The following SH3BP4 variants were observed in gnomAD, a reference collection of about 807,000 sequenced individuals.
SH3BP4 encodes the protein SH3 domain binding protein 4.
SH3BP4 carries 33 observed loss-of-function variants against 65.5 expected under a neutral mutation model. The observed-to-expected ratio is 0.50, with a 90% CI of 0.38 to 0.67. The LOEUF (loss-of-function observed/expected upper bound fraction) is 0.67. Among genes scored for constraint, SH3BP4 ranks in the 30% least tolerant of loss-of-function variants. The pLI is 0.00. For synonymous variants in SH3BP4, 552 were observed against 545.5 expected (o/e 1.01, Z -0.17); for missense variants, 1,134 against 1,261.4 (o/e 0.90, Z 1.53).
At chr2:235,002,128 C>T (rs1168331596) in intron 2 of SH3BP4, among the ~76,000 whole-genome samples, 1 of 152,180 alleles carries the variant, frequency 6.6e-6, no homozygotes, top group Non-Finnish European at 1.5e-5. Context: ...CCCCAGAGTG[C>T]TGGGATTACA....
chr2:235,014,629 C>T (rs953082433), intron 2 of SH3BP4, among the ~76,000 whole-genome samples: 2 of 152,154 alleles, frequency 1.3e-5, no homozygotes, highest in African/African-American at 4.8e-5. Context: ...GTCCCATTCT[C>T]CGCTCCTGGC....
intron 2 of SH3BP4, among the ~76,000 whole-genome samples, chr2:235,018,253 G>A (rs1398471571): frequency 6.6e-6 from 1 of 152,138 alleles, no homozygotes; most frequent in African/African-American, 2.4e-5. Flanking sequence ...TGGGAGTGAG[G>A]TGCAGTTCCA....
intron 2 of SH3BP4, among the ~76,000 whole-genome samples, chr2:235,029,822 G>A (rs1345263979): frequency 6.6e-6 from 1 of 152,158 alleles, no homozygotes; most frequent in Non-Finnish European, 1.5e-5. Context: ...GTGGGCTCTG[G>A]GCTACCTGTG....
In SH3BP4 at chr2:234,977,602, T is replaced by C. The variant is rs1386029799; in HGVS notation, c.-206-17701T>C. The stretch of plus-strand genomic sequence containing the variant: ...CTGTGGCCGTGGTGCCAGCCCCCAC[T>C]AATCCCATTAGCGACTTAGGGGTGA... On this transcript the variant is annotated intron_variant, in intron 1 of 5. Transcript: ENST00000392011. The surrounding 1 kb of genome is among the most constrained non-coding windows in gnomAD (Gnocchi z 5.1). 1.3e-5 allele frequency among the ~76,000 whole-genome samples: 2 copies of C among 152,098 alleles called. No individual in the cohort carries two copies. Among genetic ancestry groups the C allele is most frequent in the Non-Finnish European group, 1.5e-5 (1 of 68,016 alleles).
Position 235,041,682 on chromosome 2 carries a change from C to T in SH3BP4, c.913C>T (p.Gln305Ter). ...RSCHDLDLLG[Q>*]SPGWGQTQAV... The stretch of plus-strand genomic sequence containing the variant: ...TTGCCACGACCTGGACTTGCTTGGC[C>T]AAAGCCCTGGTTGGGGCCAGACCCA... Residue 305 changes from glutamine to a stop codon, truncating the protein, a stop_gained, in exon 4 of 6, where the codon CAA (glutamine) becomes TAA (stop). Coordinates refer to ENST00000392011, the MANE Select transcript of SH3BP4 (RefSeq NM_014521.3). LOFTEE classifies it high-confidence loss of function. This position sits in a 1 kb window ranked among gnomAD's most constrained non-coding sequence, Gnocchi z 6.0. The T allele has an allele frequency of 6.2e-7, 1 of 1,613,294 alleles. No homozygotes were observed. Among genetic ancestry groups the T allele is most frequent in the Non-Finnish European group, 8.5e-7 (1 of 1,179,588 alleles).
chr2:235,053,643 G>A lies in SH3BP4; in HGVS notation c.2719G>A (p.Gly907Arg), dbSNP rs754253257. 9.3e-6 allele frequency: 15 copies of A among 1,613,996 alleles called. No individual in the cohort carries two copies. In the African/African-American group the frequency reaches 1.3e-4, roughly 14 times the overall value. Reference sequence around the variant, plus strand: ...CTTACTCACCTGGAGCCATCAGATCGGGGACAGCTACCGGGATGTCATCCA... The same window carrying A: ...CTTACTCACCTGGAGCCATCAGATCAGGGACAGCTACCGGGATGTCATCCA... The part of the protein sequence containing the change: ...DFLLTWSHQI[G>R]DSYRDVIQEL... Residue 907 changes from glycine (G) to arginine (R), a missense_variant, in exon 6 of 6, where the codon GGG becomes AGG. Transcript: ENST00000392011.
chr2:234,982,139 C>T lies in SH3BP4; in HGVS notation c.-206-13164C>T, dbSNP rs574116591. Among the ~76,000 whole-genome samples the T allele has an allele frequency of 2.0e-4, 30 of 152,234 alleles. No homozygotes were observed. The South Asian group carries it at 5.2e-3, about 26-fold the overall frequency. On this transcript the variant is annotated intron_variant, in intron 1 of 5. Coordinates refer to ENST00000392011, the MANE Select transcript of SH3BP4 (RefSeq NM_014521.3). ...TGTGCACCTGAAAATTCGATGTAAC[C>T]GGCTGTTCTGGGTTTTGTCTAGAGA...
chr2:235,001,330 G>C (rs1319038958), intron 2 of SH3BP4, among the ~76,000 whole-genome samples: 1 of 152,186 alleles, frequency 6.6e-6, no homozygotes, highest in Non-Finnish European at 1.5e-5. Context: ...AGATTCCTTA[G>C]AGGATTTGCA....
Position 235,042,669 on chromosome 2 carries a change from A to G in SH3BP4, c.1900A>G (p.Ile634Val), listed in dbSNP as rs771328014. The G allele has an allele frequency of 1.9e-6, 3 of 1,614,044 alleles. No homozygotes were observed. Among genetic ancestry groups the G allele is most frequent in the African/African-American group, 1.3e-5 (1 of 74,912 alleles). The change falls in exon 4 of 6, where the codon ATC becomes GTC. Residue 634 changes from isoleucine (I) to valine (V), a missense_variant. Physicochemically the swap from Ile to Val is conservative, Grantham distance 29. Transcript: ENST00000392011. This position sits in a 1 kb window ranked among gnomAD's most constrained non-coding sequence, Gnocchi z 7.3. ...RFLKKNEVGK[I>V]ILSPFATTTK... ...TCTCAAGAAGAACGAAGTCGGGAAA[A>G]TCATCCTGTCCCCGTTTGCCACCAC...
At chr2:235,028,684 T>C (rs967180597) in intron 2 of SH3BP4, among the ~76,000 whole-genome samples, 2 of 152,134 alleles carry the variant, frequency 1.3e-5, no homozygotes, top group African/African-American at 4.8e-5. Context: ...GGGACAAGTC[T>C]GTGCATGGTG....
chr2:234,998,929 A>G (rs1389761066), intron 2 of SH3BP4, among the ~76,000 whole-genome samples: 4 of 152,200 alleles, frequency 2.6e-5, no homozygotes, highest in Non-Finnish European at 5.9e-5. Flanking sequence ...TGCACCTGCC[A>G]AGGCCTGACC....
At chr2:234,994,731 CATT>C (rs1444010381) in intron 1 of SH3BP4, 4 of 152,204 alleles carry the variant, frequency 2.6e-5, no homozygotes, top group Admixed American at 2.0e-4. Context: ...ATGGGAGACT[CATT>C]GTTGGGGTGA....
At chr2:234,953,276 A>G (rs1419769858) in intron 1 of SH3BP4, 1 of 152,230 alleles carries the variant, frequency 6.6e-6, no homozygotes, top group African/African-American at 2.4e-5. Context: ...ACCATCCCCA[A>G]TCCCACATTT....
intron 1 of SH3BP4, among the ~76,000 whole-genome samples, chr2:234,982,332 C>T (rs1416450789): frequency 3.3e-5 from 5 of 152,132 alleles, no homozygotes; most frequent in African/African-American, 9.7e-5. Flanking sequence ...TGGTGCCCTC[C>T]GCCTGCTGGT....
chr2:235,042,760 C>T lies in SH3BP4; in HGVS notation c.1991C>T (p.Thr664Ile), dbSNP rs1695712769. The stretch of plus-strand genomic sequence containing the variant: ...CTCAAGTTTGGTAAGTTGCTCAAGA[C>T]TGTGGTGCGGCAGAACAAGAACCAC... ...SSLKFGKLLKTVVRQNKNHYL... is the reference protein window; with the variant it reads ...SSLKFGKLLKIVVRQNKNHYL... Residue 664 changes from threonine to isoleucine, a missense_variant, in exon 4 of 6, where the codon ACT (threonine) becomes ATT (isoleucine). By Grantham distance (89) the Thr-to-Ile change is moderately conservative (BLOSUM62 -1). Transcript: ENST00000392011. The surrounding 1 kb of genome is among the most constrained non-coding windows in gnomAD (Gnocchi z 7.3). 1 of 1,614,192 alleles carries T rather than the reference C, an allele frequency of 6.2e-7. No homozygotes were observed. Among genetic ancestry groups the T allele is most frequent in the Non-Finnish European group, 8.5e-7 (1 of 1,180,046 alleles).
intron 1 of SH3BP4, among the ~76,000 whole-genome samples, chr2:234,969,970 C>T (rs756586879): frequency 1.3e-5 from 2 of 150,362 alleles, no homozygotes; most frequent in Non-Finnish European, 2.9e-5. Flanking sequence ...CACACACACA[C>T]TCTCACACAC....
At chr2:235,038,121 C>A (rs1467897941) in intron 3 of SH3BP4, among the ~76,000 whole-genome samples, 1 of 147,728 alleles carries the variant, frequency 6.8e-6, no homozygotes, top group East Asian at 2.0e-4. Flanking sequence ...GGTGCTGATA[C>A]CCTAATGGGG....
intron 3 of SH3BP4, among the ~76,000 whole-genome samples, chr2:235,039,493 AG>A (rs199602860): frequency 6.7e-6 from 1 of 149,776 alleles, no homozygotes; most frequent in Admixed American, 6.7e-5. Context: ...AAAAAAAAAA[AG>A]AAAGAAAGAA....
At chr2:235,050,627 T>C (rs978364917) in intron 4 of SH3BP4, among the ~76,000 whole-genome samples, 1 of 151,916 alleles carries the variant, frequency 6.6e-6, no homozygotes, top group Non-Finnish European at 1.5e-5. Context: ...CTCTGGCTAA[T>C]GCATGCCACA....
Sources: allele counts gnomAD v4.1 joint callset (sites outside exome capture counted in the v4.1 genomes callset), GRCh38; gene constraint gnomAD v4.1.1; non-coding constraint Gnocchi (gnomAD v3.1); transcripts MANE v1.5; gene names NCBI Gene and HGNC (gene_info 2026-07-23, HGNC 2026-07-21).